The following SLCO6A1 variants were observed in gnomAD, a reference collection of about 807,000 sequenced individuals.
SLCO6A1 encodes cancer/testis antigen 48.
Under a neutral mutation model 72.7 loss-of-function variants are expected in SLCO6A1, and 65 were observed. That is an observed-to-expected ratio of 0.89 (90% CI 0.73 to 1.10). The LOEUF (loss-of-function observed/expected upper bound fraction) is 1.10, where lower values mean the gene tolerates loss of function less well. Among genes scored for constraint, SLCO6A1 ranks in the 50% least tolerant of loss-of-function variants. The pLI is 0.00. For missense variants in SLCO6A1, 874 were observed against 872.6 expected (o/e 1.00, Z -0.02); for synonymous variants, 314 against 298.2 (o/e 1.05, Z -0.55).
At chr5:102,391,151 TA>T in intron 10 of SLCO6A1, 106 bp from the exon 11 acceptor site, 1 of 1,008,818 alleles carries the variant, frequency 9.9e-7, no homozygotes, top group South Asian at 1.4e-5. Flanking sequence ...GCATCAATTG[TA>T]CTAAGAATCT....
chr5:102,447,687 G>A (rs1750190744), intron 6 of SLCO6A1, among the ~76,000 whole-genome samples: 1 of 152,116 alleles, frequency 6.6e-6, no homozygotes, highest in Non-Finnish European at 1.5e-5. Context: ...GTCTCTGAGG[G>A]TTTTTTGTAT....
intron 1 of SLCO6A1, among the ~76,000 whole-genome samples, chr5:102,485,089 T>C (rs946927344): frequency 3.3e-5 from 5 of 151,686 alleles, no homozygotes; most frequent in African/African-American, 1.2e-4. Flanking sequence ...CCATCTCTAC[T>C]GAAAATACAA....
intron 11 of SLCO6A1, among the ~76,000 whole-genome samples, chr5:102,390,157 T>C (rs1746673847): frequency 6.6e-6 from 1 of 152,216 alleles, no homozygotes; most frequent in Non-Finnish European, 1.5e-5. Flanking sequence ...TAATATCATC[T>C]TATTCTACCC....
chr5:102,461,729 G>C (rs1420890673), intron 4 of SLCO6A1, among the ~76,000 whole-genome samples: 5 of 152,094 alleles, frequency 3.3e-5, no homozygotes, highest in Admixed American at 2.6e-4. Flanking sequence ...AAAAAGAGAA[G>C]CTTGGCCCAT....
At chr5:102,459,564 T>C (rs915095016) in intron 5 of SLCO6A1, 92 bp downstream of exon 5, 59 of 1,342,054 alleles carry the variant, frequency 4.4e-5, no homozygotes, top group Non-Finnish European at 5.4e-5. Context: ...ACTCATTTTA[T>C]TAAAAATGTA....
chr5:102,469,098 C>A (rs929759531), intron 4 of SLCO6A1, among the ~76,000 whole-genome samples: 48 of 151,908 alleles, frequency 3.2e-4, no homozygotes, highest in African/African-American at 1.1e-3. Context: ...TAGCGTGATG[C>A]CTCCAGCTTT....
At chr5:102,378,262 A>T (rs1276615594) in intron 12 of SLCO6A1, among the ~76,000 whole-genome samples, 1 of 152,130 alleles carries the variant, frequency 6.6e-6, no homozygotes, top group Admixed American at 6.6e-5. Context: ...TGTCCTTTGT[A>T]GGGACATGGA....
chr5:102,490,878 C>T (rs1752644063), intron 1 of SLCO6A1, among the ~76,000 whole-genome samples: 2 of 152,142 alleles, frequency 1.3e-5, no homozygotes, highest in South Asian at 2.1e-4. Flanking sequence ...CTGCAGAGAG[C>T]GAAAGAACAA....
chr5:102,437,943 C>T (rs560736328), intron 7 of SLCO6A1, among the ~76,000 whole-genome samples: 1 of 152,168 alleles, frequency 6.6e-6, no homozygotes, highest in South Asian at 2.1e-4. Context: ...CCATTTGCAA[C>T]CTCTTTTGGA....
At chr5:102,472,554 C>A (rs1751682813) in intron 4 of SLCO6A1, among the ~76,000 whole-genome samples, 2 of 151,820 alleles carry the variant, frequency 1.3e-5, no homozygotes, top group African/African-American at 4.8e-5. Context: ...GGTACTAGTT[C>A]CCAATATATA....
At chr5:102,384,555 A>C (rs1746302136) in intron 12 of SLCO6A1, among the ~76,000 whole-genome samples, 1 of 152,086 alleles carries the variant, frequency 6.6e-6, no homozygotes, top group African/African-American at 2.4e-5. Context: ...TAGGGTGTAC[A>C]TAAAATATTT....
chr5:102,474,315 A>G (rs1751784448), intron 4 of SLCO6A1, among the ~76,000 whole-genome samples: 2 of 152,086 alleles, frequency 1.3e-5, no homozygotes, highest in Non-Finnish European at 1.5e-5. Flanking sequence ...TGCCAAGGCT[A>G]CACAATGTGC....
intron 12 of SLCO6A1, among the ~76,000 whole-genome samples, chr5:102,378,137 T>C (rs1437050659): frequency 1.3e-5 from 2 of 151,994 alleles, no homozygotes; most frequent in East Asian, 3.9e-4. Flanking sequence ...CTCATAGTGA[T>C]TTGCAAAGTA....
chr5:102,473,025 T>C (rs1751707458), intron 4 of SLCO6A1, among the ~76,000 whole-genome samples: 1 of 151,982 alleles, frequency 6.6e-6, no homozygotes, highest in South Asian at 2.1e-4. Flanking sequence ...GCCAGATAGC[T>C]TCACTGGAGA....
intron 1 of SLCO6A1, 77 bp from the exon 2 acceptor site, chr5:102,480,511 T>C: frequency 2.3e-6 from 3 of 1,327,248 alleles, no homozygotes; most frequent in Non-Finnish European, 3.1e-6. Context: ...AAGCAAAATT[T>C]AAATTACATG....
At chr5:102,476,788 T>C (rs1369465063) in intron 3 of SLCO6A1, among the ~76,000 whole-genome samples, 2 of 152,068 alleles carry the variant, frequency 1.3e-5, no homozygotes, top group African/African-American at 2.4e-5. Context: ...AAAGTTATCA[T>C]TACTTCTGCA....
Position 102,431,557 on chromosome 5 carries a change from G to C in SLCO6A1, c.1276+7060C>G, listed in dbSNP as rs143213150. On this transcript the variant is annotated intron_variant, in intron 7 of 13. Transcript: ENST00000506729. ...TGTATGGTTCTGAGCAATTTAATTAGTCTTGATTTCTATTTTTATTGTGCT... is the reference window on the plus strand; with the variant it reads ...TGTATGGTTCTGAGCAATTTAATTACTCTTGATTTCTATTTTTATTGTGCT... 1.7e-3 allele frequency among the ~76,000 whole-genome samples: 256 copies of C among 152,196 alleles called. 1 individual carries two copies. The highest frequency in any genetic ancestry group is 6.0e-3 in the African/African-American group (248 of 41,534).
chr5:102,490,388 TA>T (rs1422301932), intron 1 of SLCO6A1, among the ~76,000 whole-genome samples: 3 of 152,178 alleles, frequency 2.0e-5, no homozygotes, highest in Non-Finnish European at 4.4e-5. Flanking sequence ...ATATGTCAAT[TA>T]AAAAATAAAA....
In SLCO6A1 at chr5:102,416,388, T is replaced by C. The variant is rs547515505; in HGVS notation, c.1473-3245A>G. On this transcript the variant is annotated intron_variant, in intron 8 of 13. Transcript: ENST00000506729. Reference sequence around the variant, plus strand: ...ATATATACACACACGTTGAATACTATTTAGTCATAAGAAAAAAATGAAATA... The same window carrying C: ...ATATATACACACACGTTGAATACTACTTAGTCATAAGAAAAAAATGAAATA... 2.6e-5 allele frequency among the ~76,000 whole-genome samples: 4 copies of C among 152,134 alleles called. No individual in the cohort carries two copies. In the South Asian group the frequency reaches 6.2e-4, roughly 24 times the overall value.
Sources: gnomAD v4.1 joint callset for allele counts (sites outside exome capture counted in the v4.1 genomes callset) on GRCh38, gnomAD v4.1.1 for gene constraint, MANE v1.5 for transcripts, NCBI Gene and HGNC (gene_info 2026-07-23, HGNC 2026-07-21) for gene names.